Variants in INTS13 observed in about 807,000 individuals in gnomAD.
INTS13 encodes the protein integrator complex subunit 13, also known as asunder, spermatogenesis regulator homolog (Drosphila).
Under a neutral mutation model 90.2 loss-of-function variants are expected in INTS13, and 35 were observed. The observed-to-expected ratio is 0.39, with a 90% confidence interval of 0.30 to 0.51. The LOEUF (loss-of-function observed/expected upper bound fraction) is 0.51, where lower values mean the gene tolerates loss of function less well. Ranked by LOEUF, INTS13 falls within the 20% of genes least tolerant of loss-of-function variation. The pLI, the probability that INTS13 is intolerant of heterozygous loss-of-function variation, is 0.80. For synonymous variants in INTS13, 309 were observed against 277.1 expected, an observed-to-expected ratio of 1.11 and a Z score of -1.14; for missense variants, 601 against 851.2, an observed-to-expected ratio of 0.71 and a Z score of 3.66.
chr12:26,929,888 C>G (rs1472396250), intron 3 of INTS13, among the ~76,000 whole-genome samples: 3 of 152,046 alleles, frequency 2.0e-5, no homozygotes, highest in South Asian at 4.1e-4. Context: ...AGGTAAAACT[C>G]TATGTTGCAG....
Position 26,928,271 on chromosome 12 carries a change from C to A in INTS13, c.518G>T (p.Arg173Leu). 6.2e-7 allele frequency: 1 copy of A among 1,608,686 alleles called. No homozygotes were observed. Among genetic ancestry groups the A allele is most frequent in the Non-Finnish European group, 8.5e-7 (1 of 1,175,766 alleles). ...TTCCTGGACACAGTCTTCAAGCATT[C>A]GCACATGACTATCACTATGGCATAA... ...ITNAKSDSHV[R>L]MLEDCVQETI... The change falls in exon 5 of 17, where the codon CGA (arginine) becomes CTA (leucine). Residue 173 changes from arginine (R) to leucine (L), a missense_variant. Arg to Leu is a moderately radical substitution (Grantham distance 102). Transcript: ENST00000261191.
At chr12:26,910,305 T>C (rs953059810) in intron 15 of INTS13, among the ~76,000 whole-genome samples, 1 of 152,236 alleles carries the variant, frequency 6.6e-6, no homozygotes, top group Admixed American at 6.5e-5. Flanking sequence ...AGTTTACATA[T>C]TTAAAATTTC....
intron 8 of INTS13, among the ~76,000 whole-genome samples, chr12:26,920,267 G>T (rs11048773): frequency 1.8e-4 from 27 of 152,120 alleles, no homozygotes; most frequent in Non-Finnish European, 1.3e-4. Context: ...AGCCTCCTCC[G>T]TGCTCCCACA....
At chr12:26,911,450 C>A (rs899884001) in intron 14 of INTS13, 133 bp from the exon 15 acceptor site, 3 of 596,806 alleles carry the variant, frequency 5.0e-6, no homozygotes, top group Non-Finnish European at 7.6e-6. Context: ...AGGGACTAAT[C>A]AAAAATCTCA....
chr12:26,917,507 A>C, intron 9 of INTS13, 66 bp from the exon 10 acceptor site: 1 of 1,284,580 alleles, frequency 7.8e-7, no homozygotes, highest in Non-Finnish European at 1.1e-6. Flanking sequence ...AAAAGAAAGA[A>C]AAAAAAACTT....
At chr12:26,936,503 C>A (rs887878274) in intron 2 of INTS13, 76 bp downstream of exon 2, 3 of 1,083,864 alleles carry the variant, frequency 2.8e-6, no homozygotes, top group East Asian at 2.5e-5. Context: ...TTATCTATAG[C>A]AAATTCATAT....
chr12:26,925,942 A>C, intron 5 of INTS13, 91 bp from the exon 6 acceptor site: 1 of 850,030 alleles, frequency 1.2e-6, no homozygotes, highest in Non-Finnish European at 1.9e-6. Context: ...ACATATTAAA[A>C]CATCATATTG....
chr12:26,935,966 C>T (rs1938436978), intron 2 of INTS13, among the ~76,000 whole-genome samples: 1 of 152,198 alleles, frequency 6.6e-6, no homozygotes, highest in Admixed American at 6.5e-5. Context: ...TCATCCATTT[C>T]TCTTCTTACT....
At chr12:26,921,751 G>A (rs1024528541) in intron 8 of INTS13, among the ~76,000 whole-genome samples, 1 of 152,126 alleles carries the variant, frequency 6.6e-6, no homozygotes, top group African/African-American at 2.4e-5. Context: ...CGCCTCCCAG[G>A]TTCAAGAGAT....
At chr12:26,923,396 C>T (rs1222281289) in intron 7 of INTS13, among the ~76,000 whole-genome samples, 1 of 152,032 alleles carries the variant, frequency 6.6e-6, no homozygotes, top group Non-Finnish European at 1.5e-5. Context: ...AAAAACCGGC[C>T]AATGGCATTA....
intron 15 of INTS13, among the ~76,000 whole-genome samples, chr12:26,908,858 T>C (rs1951689249): frequency 6.6e-6 from 1 of 152,232 alleles, no homozygotes; most frequent in African/African-American, 2.4e-5. Flanking sequence ...TTGCTTCTCA[T>C]ATGAGCTATT....
chr12:26,936,723 A>C lies in INTS13; in HGVS notation c.81T>G (p.His27Gln). Residue 27 changes from histidine to glutamine, a missense_variant, in exon 2 of 17, where the codon CAT becomes CAG. His to Gln is a conservative substitution (Grantham distance 24, BLOSUM62 0). Around this residue, in one of 3 missense-constraint regions of INTS13, gnomAD observed 284 missense variants for 387.7 expected, o/e 0.73. Transcript: ENST00000261191. ...CPYMAESCRQ[H>Q]VEFDMLVKNR... ...TCTTCACCAGCATATCAAACTCGACATGCTGCCTGCAAGATTCTGCCATAT... is the reference window on the plus strand; with the variant it reads ...TCTTCACCAGCATATCAAACTCGACCTGCTGCCTGCAAGATTCTGCCATAT... 6.2e-7 allele frequency: 1 copy of C among 1,614,150 alleles called. No homozygotes were observed. The highest frequency in any genetic ancestry group is 1.3e-5 in the African/African-American group (1 of 75,060).
intron 7 of INTS13, among the ~76,000 whole-genome samples, chr12:26,923,787 A>G (rs1937714663): frequency 6.6e-6 from 1 of 152,218 alleles, no homozygotes; most frequent in African/African-American, 2.4e-5. Flanking sequence ...CCTATTAGCT[A>G]TAAACACCTT....
chr12:26,914,349 A>G, intron 12 of INTS13, 59 bp downstream of exon 12: 1 of 1,458,004 alleles, frequency 6.9e-7, no homozygotes, highest in Non-Finnish European at 9.2e-7. Flanking sequence ...TGTCTAATTG[A>G]TTTCTATAAA....
upstream of INTS13, chr12:26,938,026 C>G (rs145779461): frequency 6.5e-6 from 1 of 152,826 alleles, no homozygotes; most frequent in Non-Finnish European, 1.5e-5. Context: ...CGGGCTCGCG[C>G]GTGCGCACAG....
intron 8 of INTS13, among the ~76,000 whole-genome samples, chr12:26,921,021 G>T (rs999476649): frequency 1.3e-5 from 2 of 152,138 alleles, no homozygotes; most frequent in Non-Finnish European, 2.9e-5. Flanking sequence ...AAGCTTAAAG[G>T]CTTTTAAAAT....
chr12:26,914,059 T>C lies in INTS13; in HGVS notation c.1489A>G (p.Thr497Ala), dbSNP rs373532028. The change falls in exon 13 of 17, where the codon ACA (threonine) becomes GCA (alanine). Residue 497 changes from threonine to alanine, a missense_variant. Transcript: ENST00000261191. ...TCCATATCAACTAAGTTGTATATTG[T>C]TTTTTGACAGTTTAACACATCTTCT... ...TEEDVLNCQKTIYNLVDMERK... is the reference protein window; with the variant it reads ...TEEDVLNCQKAIYNLVDMERK... The C allele has an allele frequency of 2.7e-5, 44 of 1,611,662 alleles. No homozygotes were observed. The African/African-American group carries it at 5.2e-4, about 19-fold the overall frequency.
At position 26,936,192 on chromosome 12, in the gene INTS13, ACAGT is replaced by A. The variant is rs550493576; in HGVS notation, c.225+383_225+386del. On this transcript the variant is annotated intron_variant, in intron 2 of 16. Coordinates refer to ENST00000261191, the MANE Select transcript of INTS13 (RefSeq NM_018164.3). ...AACAGGGAAGCAACAAACAAGACTG[ACAGT>A]CAGCTGCTACATGCCAGCACAGTTT... Among the ~76,000 whole-genome samples, 528 of 152,316 alleles carry A rather than the reference ACAGT, an allele frequency of 3.5e-3. 3 individuals are homozygous for A. Among genetic ancestry groups the A allele is most frequent in the Non-Finnish European group, 4.4e-3 (297 of 68,030 alleles).
chr12:26,936,831 A>G lies in INTS13; in HGVS notation c.-11-17T>C, dbSNP rs1362433816. On this transcript the variant is annotated splice_polypyrimidine_tract_variant and intron_variant, in intron 1 of 16. Coordinates refer to ENST00000261191, the MANE Select transcript of INTS13 (RefSeq NM_018164.3). ...TGTTTTAACCTGTAAGGGGAAAAAC[A>G]TATTAGCCAAATATTTGTACATAAC... 4.0e-6 allele frequency: 6 copies of G among 1,497,310 alleles called. No individual in the cohort carries two copies. The highest frequency in any genetic ancestry group is 4.5e-5 in the East Asian group (2 of 44,078). The allele number at this position is 1,497,310 out of a possible 1,614,324, so 92.8% of individuals were successfully genotyped here.
Sources: gnomAD v4.1 joint callset for allele counts (sites outside exome capture counted in the v4.1 genomes callset) on GRCh38, gnomAD v4.1.1 for gene constraint, gnomAD v4.1.1 regional missense constraint, MANE v1.5 for transcripts, NCBI Gene and HGNC (gene_info 2026-07-23, HGNC 2026-07-21) for gene names.